The following MARCHF1 variants were observed in gnomAD, a reference collection of about 807,000 sequenced individuals.
MARCHF1 encodes membrane associated ring-CH-type finger 1.
A neutral mutation model predicts 54.2 loss-of-function variants in MARCHF1; 40 were observed. The ratio of observed to expected loss-of-function variants is 0.74; its 90% CI spans 0.57 to 0.96. The LOEUF is 0.96. Among genes scored for constraint, MARCHF1 ranks in the 40% least tolerant of loss-of-function variants. The pLI, the probability that MARCHF1 is intolerant of heterozygous loss-of-function variation, is 0.00. For synonymous variants in MARCHF1, 236 were observed against 236.3 expected (o/e 1.00, Z 0.01); for missense variants, 586 against 656.5 (o/e 0.89, Z 1.17).
At chr4:163,753,999 A>C (rs937781471) in intron 4 of MARCHF1, among the ~76,000 whole-genome samples, 3 of 152,222 alleles carry the variant, frequency 2.0e-5, no homozygotes, top group Admixed American at 6.5e-5. Context: ...GTTTCAGTTC[A>C]GTAAGACTCT....
chr4:163,945,887 AG>A (rs1031646264), intron 3 of MARCHF1, among the ~76,000 whole-genome samples: 1 of 152,128 alleles, frequency 6.6e-6, no homozygotes, highest in Non-Finnish European at 1.5e-5. Context: ...GCCTGAACCG[AG>A]TCACCCTTCT....
At chr4:164,305,256 T>C (rs1053659278) in intron 1 of MARCHF1, among the ~76,000 whole-genome samples, 4 of 152,178 alleles carry the variant, frequency 2.6e-5, no homozygotes, top group African/African-American at 7.2e-5. Flanking sequence ...TACGTATAGA[T>C]ATGAAATTAC....
chr4:163,892,494 G>T (rs767950198), intron 3 of MARCHF1, among the ~76,000 whole-genome samples: 1 of 151,442 alleles, frequency 6.6e-6, no homozygotes, highest in African/African-American at 2.4e-5. Context: ...TTCTAGAGTT[G>T]TCATCAGGTA....
chr4:164,291,855 A>G (rs1734291153), intron 1 of MARCHF1, among the ~76,000 whole-genome samples: 1 of 152,046 alleles, frequency 6.6e-6, no homozygotes, highest in Admixed American at 6.6e-5. Flanking sequence ...CCATGACTTT[A>G]TTTCCTTAAT....
chr4:163,691,675 A>G (rs146090729), intron 5 of MARCHF1, among the ~76,000 whole-genome samples: 1 of 152,134 alleles, frequency 6.6e-6, no homozygotes, highest in Non-Finnish European at 1.5e-5. Flanking sequence ...TTTTCTTATA[A>G]GTTTCCTACA....
At chr4:164,255,056 AG>A (rs1286363834) in intron 1 of MARCHF1, among the ~76,000 whole-genome samples, 1 of 152,202 alleles carries the variant, frequency 6.6e-6, no homozygotes, top group Non-Finnish European at 1.5e-5. Flanking sequence ...TGAATGTTAT[AG>A]AACTATACAC....
intron 1 of MARCHF1, among the ~76,000 whole-genome samples, chr4:164,147,721 T>G (rs1371099772): frequency 6.9e-6 from 1 of 144,472 alleles, no homozygotes; most frequent in African/African-American, 2.6e-5. Context: ...TACCTAATGC[T>G]AGATGACGAG....
intron 1 of MARCHF1, among the ~76,000 whole-genome samples, chr4:164,340,750 G>T (rs565348703): frequency 6.6e-6 from 1 of 151,578 alleles, no homozygotes; most frequent in African/African-American, 2.4e-5. Flanking sequence ...ATAGAGACAG[G>T]TTTCACCATG....
intron 3 of MARCHF1, among the ~76,000 whole-genome samples, chr4:163,863,315 G>A (rs566082914): frequency 1.7e-4 from 26 of 152,176 alleles, no homozygotes; most frequent in Non-Finnish European, 3.5e-4. Flanking sequence ...AGTGCAGTCT[G>A]AAAGGTTAAA....
At chr4:164,121,336 C>A (rs1756061708) in intron 1 of MARCHF1, among the ~76,000 whole-genome samples, 1 of 152,054 alleles carries the variant, frequency 6.6e-6, no homozygotes, top group Non-Finnish European at 1.5e-5. Flanking sequence ...CTGCCCAAGA[C>A]TGGGTAATTT....
At chr4:163,586,500 A>T (rs1310843598) in intron 7 of MARCHF1, among the ~76,000 whole-genome samples, 2 of 152,226 alleles carry the variant, frequency 1.3e-5, no homozygotes, top group Non-Finnish European at 2.9e-5. Flanking sequence ...TTGGAAAAGG[A>T]ATACTCAACC....
chr4:163,540,108 A>G (rs1042745205), intron 9 of MARCHF1, among the ~76,000 whole-genome samples: 1 of 152,214 alleles, frequency 6.6e-6, no homozygotes, highest in African/African-American at 2.4e-5. Context: ...TTCCTCATCT[A>G]TAAATAATGA....
chr4:163,901,917 G>A (rs899582757), intron 3 of MARCHF1, among the ~76,000 whole-genome samples: 4 of 152,092 alleles, frequency 2.6e-5, no homozygotes, highest in Admixed American at 6.6e-5. Flanking sequence ...AAATTAATAT[G>A]AAATAAACTC....
intron 1 of MARCHF1, chr4:164,190,410 G>T: frequency 2.2e-6 from 1 of 465,076 alleles, no homozygotes; most frequent in Non-Finnish European, 3.9e-6. Flanking sequence ...AATGAGAGAA[G>T]TCAAGTCTTA....
chr4:163,834,852 T>C (rs1749135749), intron 4 of MARCHF1, among the ~76,000 whole-genome samples: 4 of 152,098 alleles, frequency 2.6e-5, no homozygotes, highest in Admixed American at 2.6e-4. Context: ...ATGTTATTAT[T>C]AGAGATGCAC....
intron 2 of MARCHF1, among the ~76,000 whole-genome samples, chr4:164,105,478 G>T (rs1199054157): frequency 1.4e-5 from 2 of 142,626 alleles, no homozygotes; most frequent in East Asian, 4.0e-4. Context: ...ACAACTATCT[G>T]ATCTTTGACA....
At chr4:163,906,539 C>T (rs1751070769) in intron 3 of MARCHF1, among the ~76,000 whole-genome samples, 1 of 151,682 alleles carries the variant, frequency 6.6e-6, no homozygotes, top group Admixed American at 6.6e-5. Context: ...ATATGTACAA[C>T]TACATGAGTC....
chr4:164,357,144 A>G (rs975617777), intron 1 of MARCHF1, among the ~76,000 whole-genome samples: 3 of 152,048 alleles, frequency 2.0e-5, no homozygotes, highest in Non-Finnish European at 4.4e-5. Flanking sequence ...ATAAAAATTT[A>G]GTGGTTTAAA....
intron 4 of MARCHF1, among the ~76,000 whole-genome samples, chr4:163,760,868 T>C (rs1023806702): frequency 5.9e-5 from 9 of 152,220 alleles, no homozygotes; most frequent in African/African-American, 2.2e-4. Flanking sequence ...AAGTGAAAGC[T>C]GTTTTTCAAC....
Sources: gnomAD v4.1 joint callset for allele counts (sites outside exome capture counted in the v4.1 genomes callset) on GRCh38, gnomAD v4.1.1 for gene constraint, MANE v1.5 for transcripts, NCBI Gene and HGNC (gene_info 2026-07-23, HGNC 2026-07-21) for gene names.